Variants in PLSCR2 observed in about 807,000 individuals in gnomAD.
The protein encoded by PLSCR2 is PL scramblase 2.
In PLSCR2, 18 loss-of-function variants were observed where a neutral mutation model predicts 25.3. That is an observed-to-expected ratio of 0.71 (90% CI 0.49 to 1.06). The LOEUF (loss-of-function observed/expected upper bound fraction) is 1.06, where lower values mean the gene tolerates loss of function less well. Among genes scored for constraint, PLSCR2 ranks in the 50% least tolerant of loss-of-function variants. The pLI, the probability that PLSCR2 is intolerant of heterozygous loss-of-function variation, is 0.00. For synonymous variants in PLSCR2, 88 were observed against 87.3 expected (o/e 1.01, Z -0.04); for missense variants, 243 against 269.5 (o/e 0.90, Z 0.69).
exon 7 of PLSCR2, chr3:146,441,773 C>T: frequency 2.5e-6 from 4 of 1,575,710 alleles, no homozygotes; most frequent in Non-Finnish European, 3.5e-6. Context: ...TCCACTCCCA[C>T]ACTCTGACAT....
chr3:146,480,984 A>G (rs1343867457), intron 1 of PLSCR2, among the ~76,000 whole-genome samples: 1 of 152,170 alleles, frequency 6.6e-6, no homozygotes, highest in Non-Finnish European at 1.5e-5. Context: ...GACAAAAAAC[A>G]CATGATTAGC....
chr3:146,485,775 G>A (rs496949), intron 1 of PLSCR2, among the ~76,000 whole-genome samples: 5 of 152,006 alleles, frequency 3.3e-5, no homozygotes, highest in African/African-American at 1.2e-4. Flanking sequence ...TATAAAAGAG[G>A]TTTAATTGGA....
In PLSCR2 at chr3:146,459,917, T is replaced by G. The variant is rs775263123; in HGVS notation, c.-13A>C. 3.7e-6 allele frequency: 6 copies of G among 1,614,102 alleles called. No homozygotes were observed. The South Asian group carries it at 5.5e-5, about 15-fold the overall frequency. On this transcript the variant is annotated 5_prime_UTR_variant, in exon 2 of 7. Coordinates refer to ENST00000610787, the Ensembl canonical transcript of PLSCR2. ...GTGGTGCTGGCATCCATGGTACCCC[T>G]TCAGGTCTACCTGGCTGATTTTGAA...
exon 4 of PLSCR2, chr3:146,455,424 T>G: frequency 6.2e-7 from 1 of 1,612,564 alleles, no homozygotes; most frequent in East Asian, 2.2e-5. Context: ...CTGTTCTTGA[T>G]TTCATACATG....
At chr3:146,458,902 G>A (rs2041383994) in intron 2 of PLSCR2, among the ~76,000 whole-genome samples, 1 of 151,862 alleles carries the variant, frequency 6.6e-6, no homozygotes, top group African/African-American at 2.4e-5. Flanking sequence ...GGCATTTCTT[G>A]GAGAAATATG....
chr3:146,461,142 G>T (rs1186328668), upstream of PLSCR2, among the ~76,000 whole-genome samples: 1 of 152,114 alleles, frequency 6.6e-6, no homozygotes, highest in Non-Finnish European at 1.5e-5. Flanking sequence ...AAGCTTATTT[G>T]TATAGTCCGC....
At chr3:146,428,544 T>C (rs1576603485), downstream of PLSCR2, among the ~76,000 whole-genome samples, 2 of 152,342 alleles carry the variant, frequency 1.3e-5, no homozygotes, top group Admixed American at 6.5e-5. Flanking sequence ...GAATAGTAAG[T>C]TCAGAGCTCT....
chr3:146,404,809 C>CAA (rs765756845), intron 2 of PLSCR2, among the ~76,000 whole-genome samples: 1,038 of 44,972 alleles, frequency 0.023, 24 homozygotes, highest in South Asian at 0.06. Flanking sequence ...AAGAAATAGG[C>CAA]AAAAAAAAAA....
chr3:146,414,820 C>T (rs1477799806), intron 2 of PLSCR2, among the ~76,000 whole-genome samples: 3 of 152,152 alleles, frequency 2.0e-5, no homozygotes, highest in Admixed American at 2.0e-4. Flanking sequence ...TCTGAAATAC[C>T]TGTATTTGAG....
rs2040490307 is a variant in PLSCR2, at chr3:146,445,415, T to C, written c.646-3594A>G. ...GTATTTCTCCTTCATGTTCAAAAGATAATTTTGTTGGATATACTATTCTAT... is the reference window on the plus strand; with the variant it reads ...GTATTTCTCCTTCATGTTCAAAAGACAATTTTGTTGGATATACTATTCTAT... On this transcript the variant is annotated intron_variant, in intron 6 of 6. Coordinates refer to ENST00000610787, the Ensembl canonical transcript of PLSCR2. 2.0e-5 allele frequency among the ~76,000 whole-genome samples: 3 copies of C among 152,186 alleles called. No homozygotes were observed. The South Asian group carries it at 6.2e-4, about 31-fold the overall frequency.
intron 1 of PLSCR2, among the ~76,000 whole-genome samples, chr3:146,482,604 A>G (rs2043169232): frequency 6.6e-6 from 1 of 152,236 alleles, no homozygotes; most frequent in South Asian, 2.1e-4. Flanking sequence ...GTGGAGAAAT[A>G]GGAACACTTT....
chr3:146,426,584 C>T (rs2039362598), intron 2 of PLSCR2, among the ~76,000 whole-genome samples: 1 of 151,674 alleles, frequency 6.6e-6, no homozygotes, highest in South Asian at 2.1e-4. Context: ...GTACATCTAC[C>T]CTAACAAATT....
downstream of PLSCR2, among the ~76,000 whole-genome samples, chr3:146,437,908 T>C (rs1157013395): frequency 6.6e-6 from 1 of 152,240 alleles, no homozygotes; most frequent in African/African-American, 2.4e-5. Flanking sequence ...CTTGTGGGCA[T>C]TTAGTGCTAT....
chr3:146,411,673 G>A (rs1483356445), intron 2 of PLSCR2, among the ~76,000 whole-genome samples: 3 of 152,154 alleles, frequency 2.0e-5, no homozygotes, highest in Non-Finnish European at 4.4e-5. Flanking sequence ...TTTAGCCGGC[G>A]GCCAAGAGAC....
intron 2 of PLSCR2, among the ~76,000 whole-genome samples, chr3:146,425,975 T>C (rs2039331034): frequency 6.6e-6 from 1 of 152,156 alleles, no homozygotes; most frequent in Non-Finnish European, 1.5e-5. Flanking sequence ...AAATACACTT[T>C]TACTCCTCAA....
At position 146,490,259 on chromosome 3, in the gene PLSCR2, T is replaced by G. The variant is rs77685798; in HGVS notation, c.-293+5636A>C. On this transcript the variant is annotated intron_variant, in intron 1 of 8. Transcript: ENST00000336685. The stretch of plus-strand genomic sequence containing the variant: ...AGAGGAACCACCATTTGGAGGAAAT[T>G]TGAAATTCAGCAAAGCAAACTCCAT... Among the ~76,000 whole-genome samples, 54 of 152,214 alleles carry G rather than the reference T, an allele frequency of 3.5e-4. No homozygotes were observed. The East Asian group carries it at 9.8e-3, about 28-fold the overall frequency.
chr3:146,435,794 A>G (rs1234190036), intron 8 of PLSCR2, among the ~76,000 whole-genome samples: 1 of 152,078 alleles, frequency 6.6e-6, no homozygotes, highest in Admixed American at 6.6e-5. Flanking sequence ...CCATTTGTCA[A>G]TTTTGGCTTT....
At chr3:146,484,099 A>G (rs939896986) in intron 1 of PLSCR2, among the ~76,000 whole-genome samples, 1 of 151,872 alleles carries the variant, frequency 6.6e-6, no homozygotes, top group Middle Eastern at 3.2e-3. Flanking sequence ...AAGATAAATG[A>G]CCTGATGGAG....
At chr3:146,409,868 G>T (rs1402575475) in intron 2 of PLSCR2, among the ~76,000 whole-genome samples, 1 of 152,084 alleles carries the variant, frequency 6.6e-6, no homozygotes, top group Non-Finnish European at 1.5e-5. Context: ...CTGGAGTATT[G>T]GAAAAACAGA....
Sources: gnomAD v4.1 joint callset for allele counts (sites outside exome capture counted in the v4.1 genomes callset) on GRCh38, gnomAD v4.1.1 for gene constraint, MANE v1.5 for transcripts, NCBI Gene and HGNC (gene_info 2026-07-23, HGNC 2026-07-21) for gene names.